The following NUP37 variants were observed in gnomAD, a reference collection of about 807,000 sequenced individuals.
NUP37 encodes nucleoporin Nup37.
In NUP37, 33 loss-of-function variants were observed where a neutral mutation model predicts 45.4. That is an observed-to-expected ratio of 0.73 (90% CI 0.55 to 0.97). The LOEUF is 0.97. Among genes scored for constraint, NUP37 ranks in the 50% least tolerant of loss-of-function variants. NUP37 has a pLI of 0.00. For synonymous variants in NUP37, 127 were observed against 130.7 expected, an observed-to-expected ratio of 0.97 and a Z score of 0.19; for missense variants, 365 against 389.7, an observed-to-expected ratio of 0.94 and a Z score of 0.53.
At chr12:102,088,199 T>C (rs528254700) in intron 5 of NUP37, among the ~76,000 whole-genome samples, 1 of 152,348 alleles carries the variant, frequency 6.6e-6, no homozygotes, top group African/African-American at 2.4e-5. Context: ...ATTTAAGTTG[T>C]TAAGTCTTAT....
At chr12:102,115,821 C>A (rs1001246527) in intron 2 of NUP37, 48 of 982,072 alleles carry the variant, frequency 4.9e-5, no homozygotes, top group Non-Finnish European at 5.7e-5. Flanking sequence ...AGTTTTCTCT[C>A]AAGACAAGAG....
intron 2 of NUP37, 137 bp downstream of exon 2, chr12:102,118,226 T>C: frequency 1.2e-6 from 1 of 850,348 alleles, no homozygotes; most frequent in Admixed American, 2.7e-5. Context: ...ACTGGGAACA[T>C]CTTTCTCTAT....
chr12:102,110,728 G>A (rs1880291655), intron 3 of NUP37, among the ~76,000 whole-genome samples: 1 of 152,076 alleles, frequency 6.6e-6, no homozygotes, highest in Admixed American at 6.5e-5. Flanking sequence ...TATAGTCCCA[G>A]CTACTCAGGA....
intron 3 of NUP37, 31 bp downstream of exon 3, chr12:102,112,077 T>G (rs1453918817): frequency 2.5e-6 from 4 of 1,601,488 alleles, no homozygotes; most frequent in East Asian, 2.2e-5. Flanking sequence ...AGTACATTAG[T>G]AAGGAATGCA....
intron 5 of NUP37, 76 bp downstream of exon 5, chr12:102,099,027 ATTT>A: frequency 1.0e-6 from 1 of 952,490 alleles, no homozygotes. Context: ...TAAAAGTCAC[ATTT>A]TTTTTTCTCA....
rs757546350 is a variant in NUP37, at chr12:102,074,991, T to C, written c.867+10A>G. 1.5e-5 allele frequency: 24 copies of C among 1,552,022 alleles called. No individual in the cohort carries two copies. Among genetic ancestry groups the C allele is most frequent in the Non-Finnish European group, 2.0e-5 (23 of 1,143,502 alleles). ...AAAAGCACGTATGTTACAAAACATT[T>C]CCACATTACCTGAGGGTGTCCTAAA... On this transcript the variant is annotated intron_variant, in intron 9 of 9. Coordinates refer to ENST00000552283, the MANE Select transcript of NUP37 (RefSeq NM_024057.4).
intron 5 of NUP37, among the ~76,000 whole-genome samples, chr12:102,088,980 TAA>T (rs1879558993): frequency 6.6e-6 from 1 of 152,228 alleles, no homozygotes; most frequent in African/African-American, 2.4e-5. Flanking sequence ...TTAATCCATT[TAA>T]CCCTGAGTTG....
intron 2 of NUP37, among the ~76,000 whole-genome samples, chr12:102,117,287 T>C (rs1428968297): frequency 6.6e-6 from 1 of 151,500 alleles, no homozygotes; most frequent in Non-Finnish European, 1.5e-5. Flanking sequence ...AACCCCCTAC[T>C]AAAAATACAA....
chr12:102,078,776 A>G (rs1338520512), intron 6 of NUP37, among the ~76,000 whole-genome samples: 1 of 152,196 alleles, frequency 6.6e-6, no homozygotes. Context: ...TTACTTCACT[A>G]TTTCCTTTAC....
intron 3 of NUP37, among the ~76,000 whole-genome samples, chr12:102,103,187 G>C (rs961946117): frequency 1.3e-5 from 2 of 152,080 alleles, no homozygotes; most frequent in Non-Finnish European, 2.9e-5. Flanking sequence ...ATTGCTTTGA[G>C]GAGTAAGAAC....
chr12:102,081,949 C>T (rs953353161), intron 6 of NUP37, among the ~76,000 whole-genome samples: 3 of 152,108 alleles, frequency 2.0e-5, no homozygotes, highest in East Asian at 1.9e-4. Flanking sequence ...CCACCTGTCT[C>T]GGCCTCCCAA....
At chr12:102,087,838 G>A (rs1216636884) in intron 5 of NUP37, among the ~76,000 whole-genome samples, 2 of 151,930 alleles carry the variant, frequency 1.3e-5, no homozygotes, top group Non-Finnish European at 2.9e-5. Flanking sequence ...TTCAAATGAA[G>A]GAAACAGAAG....
At chr12:102,085,699 TATGTG>T in intron 6 of NUP37, 62 bp downstream of exon 6, 2 of 699,502 alleles carry the variant, frequency 2.9e-6, no homozygotes, top group South Asian at 2.0e-5. Flanking sequence ...CTCCTCTATG[TATGTG>T]ATGTCTTATA....
At chr12:102,103,119 A>C (rs1419611084) in intron 3 of NUP37, among the ~76,000 whole-genome samples, 2 of 151,994 alleles carry the variant, frequency 1.3e-5, no homozygotes, top group East Asian at 3.8e-4. Context: ...TGATTTTTCT[A>C]TTTCTGTGAA....
At position 102,085,852 on chromosome 12, in the gene NUP37, A is replaced by G. The variant is rs1424275860; in HGVS notation, c.454T>C (p.Trp152Arg). 2.0e-6 allele frequency: 3 copies of G among 1,517,098 alleles called. No individual in the cohort carries two copies. Among genetic ancestry groups the G allele is most frequent in the Non-Finnish European group, 2.7e-6 (3 of 1,099,586 alleles). The allele number at this position is 1,517,098 out of a possible 1,614,324, so 94.0% of individuals were successfully genotyped here. A position where few individuals can be genotyped will look rare whatever the true frequency, so the allele number is the denominator to read the frequency against. Residue 152 changes from tryptophan (W) to arginine (R), a missense_variant, in exon 6 of 10, where the codon TGG becomes CGG. Coordinates refer to ENST00000552283, the MANE Select transcript of NUP37 (RefSeq NM_024057.4). ...SVSDDHTCRI[W>R]NLEGVQTAHF... ...GCTGTTTGCACTCCTTCCAAGTTCCAAATCCTAATAAAAGAATAACAGTAT... is the reference window on the plus strand; with the variant it reads ...GCTGTTTGCACTCCTTCCAAGTTCCGAATCCTAATAAAAGAATAACAGTAT...
intron 3 of NUP37, among the ~76,000 whole-genome samples, chr12:102,105,142 G>A (rs141673554): frequency 1.6e-4 from 24 of 152,238 alleles, no homozygotes; most frequent in African/African-American, 5.3e-4. Context: ...CTTTGGCTTC[G>A]TTGGTTGTCT....
intron 3 of NUP37, among the ~76,000 whole-genome samples, chr12:102,110,720 T>C (rs1880291441): frequency 6.6e-6 from 1 of 151,978 alleles, no homozygotes; most frequent in Non-Finnish European, 1.5e-5. Flanking sequence ...TGGGCGCCTA[T>C]AGTCCCAGCT....
chr12:102,085,729 T>C (rs1879449591), intron 6 of NUP37, 37 bp downstream of exon 6: 2 of 1,012,002 alleles, frequency 2.0e-6, no homozygotes, highest in Non-Finnish European at 3.0e-6. Context: ...TATAAGTCTT[T>C]TCAATTTGAT....
intron 3 of NUP37, among the ~76,000 whole-genome samples, chr12:102,103,034 G>A (rs1393010206): frequency 2.2e-5 from 3 of 138,542 alleles, no homozygotes; most frequent in East Asian, 2.3e-4. Context: ...TGATGCCTCC[G>A]GGTTTGTTCT....
Sources: gnomAD v4.1 joint callset for allele counts (sites outside exome capture counted in the v4.1 genomes callset) on GRCh38, gnomAD v4.1.1 for gene constraint, MANE v1.5 for transcripts, NCBI Gene and HGNC (gene_info 2026-07-23, HGNC 2026-07-21) for gene names.